Variants in PCDHGB4 observed in about 807,000 individuals in gnomAD.
The protein encoded by PCDHGB4 is protocadherin gamma subfamily B, 4.
Under a neutral mutation model 60.5 loss-of-function variants are expected in PCDHGB4, and 38 were observed. That is an observed-to-expected ratio of 0.63 (90% CI 0.48 to 0.82). The LOEUF (loss-of-function observed/expected upper bound fraction) is 0.82. PCDHGB4 is among the 40% of genes least tolerant of loss of function. The pLI is 0.00. For synonymous variants in PCDHGB4, 456 were observed against 509.7 expected (o/e 0.89, Z 1.42); for missense variants, 1,109 against 1,209.6 (o/e 0.92, Z 1.23).
chr5:141,408,549 T>C, intron 1 of PCDHGB4: 1 of 1,614,016 alleles, frequency 6.2e-7, no homozygotes, highest in Non-Finnish European at 8.5e-7. Flanking sequence ...CCTTTAAATA[T>C]TTTTCATGTC....
intron 1 of PCDHGB4, chr5:141,422,984 G>A (rs752694873): frequency 4.5e-5 from 73 of 1,614,112 alleles, no homozygotes; most frequent in Non-Finnish European, 5.9e-5. Flanking sequence ...GCGGAACCTG[G>A]CTACCTGGTG....
In PCDHGB4 at chr5:141,476,978, C is replaced by G; in HGVS notation, c.2398-17829C>G. 1.2e-6 allele frequency: 2 copies of G among 1,614,256 alleles called. No individual in the cohort carries two copies. Among genetic ancestry groups the G allele is most frequent in the Non-Finnish European group, 1.7e-6 (2 of 1,180,058 alleles). Reference sequence around the variant, plus strand: ...TATTTACTCCTTCGGCAGCCACAACCGCGCCGGCGTGCGGCAACTATTCGC... The same window carrying G: ...TATTTACTCCTTCGGCAGCCACAACGGCGCCGGCGTGCGGCAACTATTCGC... On this transcript the variant is annotated intron_variant, in intron 1 of 3. Transcript: ENST00000519479. This position sits in a 1 kb window ranked among gnomAD's most constrained non-coding sequence, Gnocchi z 7.6.
chr5:141,453,099 C>CT (rs568622146), intron 1 of PCDHGB4, among the ~76,000 whole-genome samples: 1 of 151,962 alleles, frequency 6.6e-6, no homozygotes, highest in East Asian at 1.9e-4. Flanking sequence ...TTTTCTGTTG[C>CT]TTTTTTGTTT....
intron 2 of PCDHGB4, among the ~76,000 whole-genome samples, chr5:141,501,838 G>A (rs888418141): frequency 6.6e-6 from 1 of 152,000 alleles, no homozygotes; most frequent in African/African-American, 2.4e-5. Flanking sequence ...CACCTGTTTG[G>A]CCCTCAACCT....
In PCDHGB4 at chr5:141,512,501, G is replaced by A. The variant is rs1474842711; in HGVS notation, c.*1328G>A. The A allele has an allele frequency of 6.5e-6, 1 of 152,914 alleles. No homozygotes were observed. The highest frequency in any genetic ancestry group is 1.5e-5 in the Non-Finnish European group (1 of 68,258). The allele number at this position is 152,914 out of a possible 1,614,324, so 9.5% of individuals were successfully genotyped here. On this transcript the variant is annotated 3_prime_UTR_variant, in exon 4 of 4. Transcript: ENST00000519479. The stretch of plus-strand genomic sequence containing the variant: ...GAAGGCCACTGCCCAGGTCCCCAGT[G>A]CGCCCCCTAGTGGCCATAGCCTGGT...
Position 141,489,101 on chromosome 5 carries a change from T to C in PCDHGB4, c.2398-5706T>C. The C allele has an allele frequency of 2.5e-6, 1 of 398,412 alleles. No homozygotes were observed. The highest frequency in any genetic ancestry group is 4.3e-5 in the South Asian group (1 of 23,096). The allele number at this position is 398,412 out of a possible 1,614,324, so 24.7% of individuals were successfully genotyped here. A position where few individuals can be genotyped will look rare whatever the true frequency, so the allele number is the denominator to read the frequency against. ...CCGCCACTCGGTGACTAAGAACTGC[T>C]GCAAGCAGGCAAACCTCCGAGCAGT... On this transcript the variant is annotated intron_variant, in intron 1 of 3. Coordinates refer to ENST00000519479, the MANE Select transcript of PCDHGB4 (RefSeq NM_003736.4). The surrounding 1 kb of genome is among the most constrained non-coding windows in gnomAD (Gnocchi z 4.5).
At chr5:141,438,997 C>T (rs2098080665) in intron 1 of PCDHGB4, among the ~76,000 whole-genome samples, 1 of 151,716 alleles carries the variant, frequency 6.6e-6, no homozygotes, top group Admixed American at 6.6e-5. Flanking sequence ...AGGCTAAGGA[C>T]CTGGTTTGTT....
At chr5:141,403,118 C>A (rs780657795) in intron 1 of PCDHGB4, 2 of 1,614,058 alleles carry the variant, frequency 1.2e-6, no homozygotes. Context: ...GGCTCTGGAG[C>A]CCCGGGAGCT....
At chr5:141,446,595 GCCTCC>G (rs2098508132) in intron 1 of PCDHGB4, among the ~76,000 whole-genome samples, 2 of 152,012 alleles carry the variant, frequency 1.3e-5, no homozygotes, top group South Asian at 4.1e-4. Context: ...TTCTGCCTCA[GCCTCC>G]TGAGTAGCTG....
intron 2 of PCDHGB4, among the ~76,000 whole-genome samples, chr5:141,495,623 C>T (rs990126072): frequency 3.3e-5 from 5 of 152,208 alleles, no homozygotes; most frequent in South Asian, 2.1e-4. Context: ...GCACCTCAGC[C>T]TCAGTCCCTT....
At position 141,423,758 on chromosome 5, in the gene PCDHGB4, G is replaced by GC. The variant is rs1554116873; in HGVS notation, c.2397+33477_2397+33478insC. 1.7e-4 allele frequency: 62 copies of GC among 366,836 alleles called. 2 individuals are homozygous for GC. The highest frequency in any genetic ancestry group is 4.2e-4 in the Middle Eastern group (1 of 2,358). The allele number at this position is 366,836 out of a possible 1,614,324, so 22.7% of individuals were successfully genotyped here. Reference sequence around the variant, plus strand: ...CTGTTATGAAAACTGTTTGGGGGGGGGGTGGGGCGGCATATATTTAGTTCA... The same window carrying GC: ...CTGTTATGAAAACTGTTTGGGGGGGGCGGTGGGGCGGCATATATTTAGTTCA... On this transcript the variant is annotated intron_variant, in intron 1 of 3. Coordinates refer to ENST00000519479, the MANE Select transcript of PCDHGB4 (RefSeq NM_003736.4).
intron 2 of PCDHGB4, among the ~76,000 whole-genome samples, chr5:141,501,286 C>T (rs2099806802): frequency 8.9e-6 from 1 of 112,422 alleles, no homozygotes; most frequent in African/African-American, 3.5e-5. Context: ...GGGATATTCC[C>T]TTATACACAC....
chr5:141,417,754 C>A, intron 1 of PCDHGB4: 2 of 1,431,302 alleles, frequency 1.4e-6, no homozygotes, highest in Non-Finnish European at 1.8e-6. Flanking sequence ...TTGCCAGCTC[C>A]GAGACCCGGG....
chr5:141,460,296 C>T (rs1443273958), intron 1 of PCDHGB4, among the ~76,000 whole-genome samples: 1 of 151,924 alleles, frequency 6.6e-6, no homozygotes, highest in Non-Finnish European at 1.5e-5. Context: ...TTCTTATGTC[C>T]TATTCAAAAA....
chr5:141,466,819 C>A (rs2099130454), intron 1 of PCDHGB4, among the ~76,000 whole-genome samples: 1 of 152,068 alleles, frequency 6.6e-6, no homozygotes, highest in Non-Finnish European at 1.5e-5. Context: ...CATGGTATAA[C>A]AAGTTAGTAT....
At chr5:141,398,396 T>A (rs1191920974) in intron 1 of PCDHGB4, 1 of 1,465,660 alleles carries the variant, frequency 6.8e-7, no homozygotes, top group South Asian at 1.2e-5. Flanking sequence ...AGCAGCAGGC[T>A]AGACAGGGAG....
At chr5:141,408,936 A>T in intron 1 of PCDHGB4, 4 of 1,613,548 alleles carry the variant, frequency 2.5e-6, no homozygotes, top group Non-Finnish European at 1.7e-6. Flanking sequence ...TTCAGCAGAG[A>T]CGAATATAGA....
At chr5:141,488,691 G>A (rs1443084778) in intron 1 of PCDHGB4, among the ~76,000 whole-genome samples, 2 of 152,192 alleles carry the variant, frequency 1.3e-5, no homozygotes, top group Non-Finnish European at 2.9e-5. Flanking sequence ...CTCCCAGAAG[G>A]ACAAGATTTT....
intron 2 of PCDHGB4, among the ~76,000 whole-genome samples, chr5:141,500,035 CTT>C: frequency 6.6e-6 from 1 of 152,100 alleles, no homozygotes; most frequent in East Asian, 1.9e-4. Flanking sequence ...GTGAGTGTCT[CTT>C]AAGTATCTTA....
Sources: allele counts gnomAD v4.1 joint callset (sites outside exome capture counted in the v4.1 genomes callset), GRCh38; gene constraint gnomAD v4.1.1; non-coding constraint Gnocchi (gnomAD v3.1); transcripts MANE v1.5; gene names NCBI Gene and HGNC (gene_info 2026-07-23, HGNC 2026-07-21).